Variants in PYROXD2 observed in about 807,000 individuals in gnomAD.
PYROXD2 encodes the protein pyridine nucleotide-disulfide oxidoreductase domain-containing protein 2.
Under a neutral mutation model 71.1 loss-of-function variants are expected in PYROXD2, and 69 were observed. The ratio of observed to expected loss-of-function variants is 0.97; its 90% CI spans 0.80 to 1.19. The LOEUF (loss-of-function observed/expected upper bound fraction) is 1.19, where lower values mean the gene tolerates loss of function less well. PYROXD2 is among the 50% of genes most tolerant of loss of function. The pLI, the probability that PYROXD2 is intolerant of heterozygous loss-of-function variation, is 0.00. For missense variants in PYROXD2, 745 were observed against 748.9 expected (o/e 0.99, Z 0.06); for synonymous variants, 287 against 302.7 (o/e 0.95, Z 0.54).
At chr10:98,406,595 A>C (rs1490365752) in intron 4 of PYROXD2, among the ~76,000 whole-genome samples, 1 of 152,206 alleles carries the variant, frequency 6.6e-6, no homozygotes, top group African/African-American at 2.4e-5. Flanking sequence ...ATTTAGAGCA[A>C]AGATGGCACC....
At chr10:98,407,251 CG>C (rs1467749534) in intron 4 of PYROXD2, among the ~76,000 whole-genome samples, 1 of 152,198 alleles carries the variant, frequency 6.6e-6, no homozygotes, top group Non-Finnish European at 1.5e-5. Context: ...GGGCAGAAAT[CG>C]GGCTCATGTC....
rs1842957919 is a variant in PYROXD2 at position 98,391,937 on chromosome 10, G to A, written c.1062+495C>T. On this transcript the variant is annotated intron_variant, in intron 10 of 15. Coordinates refer to ENST00000370575, the MANE Select transcript of PYROXD2 (RefSeq NM_032709.3). ...TCAGCAGCCGGCAAGCTGACCCACA[G>A]CCAACTGCAGACGCATGAGCAAGCC... 2.6e-5 allele frequency among the ~76,000 whole-genome samples: 4 copies of A among 152,280 alleles called. No homozygotes were observed. In the South Asian group the frequency reaches 8.3e-4, roughly 32 times the overall value.
intron 14 of PYROXD2, 88 bp downstream of exon 14, chr10:98,387,113 G>A: frequency 1.0e-6 from 1 of 973,108 alleles, no homozygotes; most frequent in Admixed American, 2.2e-5. Flanking sequence ...TGAGTATGGA[G>A]GGACAAGATA....
intron 5 of PYROXD2, among the ~76,000 whole-genome samples, chr10:98,397,954 C>A (rs535127392): frequency 7.1e-6 from 1 of 141,488 alleles, no homozygotes; most frequent in African/African-American, 2.6e-5. Flanking sequence ...GCGATGTCGG[C>A]TCACTGCAAC....
At chr10:98,412,796 AAGT>A (rs1352353397) in intron 1 of PYROXD2, among the ~76,000 whole-genome samples, 1 of 152,172 alleles carries the variant, frequency 6.6e-6, no homozygotes, top group Non-Finnish European at 1.5e-5. Flanking sequence ...ACTTGTAGGC[AAGT>A]CACCAAGGCA....
In PYROXD2 at chr10:98,410,925, G is replaced by T. The variant is rs202138600; in HGVS notation, c.147+14C>A. On this transcript the variant is annotated intron_variant, in intron 2 of 15. Transcript: ENST00000370575. Reference sequence around the variant, plus strand: ...CAGGGCCAGTGAAGTGGGATCAAGTGGGGAGGTACTCACAGCCACCAGTCC... The same window carrying T: ...CAGGGCCAGTGAAGTGGGATCAAGTTGGGAGGTACTCACAGCCACCAGTCC... 2 of 1,562,858 alleles carry T rather than the reference G, an allele frequency of 1.3e-6. No individual in the cohort carries two copies. The highest frequency in any genetic ancestry group is 8.7e-7 in the Non-Finnish European group (1 of 1,152,706).
intron 5 of PYROXD2, 105 bp downstream of exon 5, chr10:98,399,997 G>A: frequency 7.2e-7 from 1 of 1,397,160 alleles, no homozygotes; most frequent in Non-Finnish European, 9.5e-7. Flanking sequence ...GGGTGGCCTG[G>A]CGCAGTGTCC....
Position 98,392,384 on chromosome 10 carries a change from CCT to C in PYROXD2, c.1062+46_1062+47del, listed in dbSNP as rs557609375. The C allele has an allele frequency of 2.9e-4, 457 of 1,596,764 alleles. 1 individual carries two copies. The East Asian group carries it at 7.4e-3, about 26-fold the overall frequency. The stretch of plus-strand genomic sequence containing the variant: ...CCCTCAATCCCCACGATTTCTAACC[CCT>C]GTTTTGGCAGACATCTAAGCTCCAC... On this transcript the variant is annotated intron_variant, in intron 10 of 15. Coordinates refer to ENST00000370575, the MANE Select transcript of PYROXD2 (RefSeq NM_032709.3).
intron 8 of PYROXD2, 50 bp from the exon 9 acceptor site, chr10:98,393,133 C>T: frequency 1.4e-6 from 2 of 1,383,022 alleles, no homozygotes; most frequent in Non-Finnish European, 1.9e-6. Context: ...TCTCATCTCC[C>T]CAGAGTTCCA....
intron 14 of PYROXD2, among the ~76,000 whole-genome samples, chr10:98,386,896 G>A (rs552510693): frequency 6.6e-6 from 1 of 152,266 alleles, no homozygotes; most frequent in Admixed American, 6.5e-5. Flanking sequence ...CCTTGAGAAG[G>A]GGGTGCTCTC....
intron 1 of PYROXD2, among the ~76,000 whole-genome samples, chr10:98,412,884 G>A (rs1843835997): frequency 6.6e-6 from 1 of 152,206 alleles, no homozygotes; most frequent in Admixed American, 6.5e-5. Flanking sequence ...AAGGAGGCAG[G>A]GGGCTTCTCT....
chr10:98,397,686 G>A (rs1843239383), intron 5 of PYROXD2, among the ~76,000 whole-genome samples, 188 bp from the exon 6 acceptor site: 1 of 152,122 alleles, frequency 6.6e-6, no homozygotes, highest in Non-Finnish European at 1.5e-5. Context: ...CAGGAAGAGT[G>A]CATGGGGTGG....
chr10:98,397,225 T>C, intron 6 of PYROXD2, 120 bp downstream of exon 6: 2 of 1,358,090 alleles, frequency 1.5e-6, no homozygotes, highest in Admixed American at 4.9e-5. Flanking sequence ...TCGCAGCATG[T>C]TAACTGATCC....
intron 12 of PYROXD2, among the ~76,000 whole-genome samples, chr10:98,389,097 T>C (rs1369092133): frequency 2.0e-5 from 3 of 152,152 alleles, no homozygotes; most frequent in Non-Finnish European, 4.4e-5. Context: ...TCAGCTGCAA[T>C]GTTCTCGCTG....
At position 98,388,424 on chromosome 10, in the gene PYROXD2, C is replaced by A; in HGVS notation, c.1377G>T (p.Gln459His). 6.2e-7 allele frequency: 1 copy of A among 1,613,462 alleles called. No homozygotes were observed. The highest frequency in any genetic ancestry group is 8.5e-7 in the Non-Finnish European group (1 of 1,179,888). Residue 459 changes from glutamine (Q) to histidine (H), a missense_variant, in exon 13 of 16, where the codon CAG becomes CAT. Physicochemically the swap from Gln to His is conservative, Grantham distance 24. Transcript: ENST00000370575. ...CTCCAGCCAGCGTATAGGGCATGTACTGAGTGAAGAGGGAGACTACATGGC... is the reference window on the plus strand; with the variant it reads ...CTCCAGCCAGCGTATAGGGCATGTAATGAGTGAAGAGGGAGACTACATGGC... Reference protein sequence around the residue: ...PGCHVVSLFTQYMPYTLAGGK... With the variant: ...PGCHVVSLFTHYMPYTLAGGK...
rs1843672317 is a variant in PYROXD2 at position 98,408,112 on chromosome 10, C to T, written c.148-115G>A. On this transcript the variant is annotated intron_variant, in intron 2 of 15. Coordinates refer to ENST00000370575, the MANE Select transcript of PYROXD2 (RefSeq NM_032709.3). ...CTATAGGCCAGTATGGGCCACACCCCATGGCCTCCCTGCCCCGCTCATGCT... is the reference window on the plus strand; with the variant it reads ...CTATAGGCCAGTATGGGCCACACCCTATGGCCTCCCTGCCCCGCTCATGCT... 2.2e-5 allele frequency: 19 copies of T among 868,426 alleles called. No homozygotes were observed. In the South Asian group the frequency reaches 2.7e-4, roughly 12 times the overall value. 53.8% of individuals were successfully genotyped at this position (868,426 alleles called of 1,614,324 possible).
chr10:98,388,829 G>C (rs1842850884), intron 12 of PYROXD2, among the ~76,000 whole-genome samples: 1 of 152,030 alleles, frequency 6.6e-6, no homozygotes, highest in South Asian at 2.1e-4. Context: ...AGTGTGGAAA[G>C]GGGCCAGGCC....
chr10:98,385,202 A>G, intron 14 of PYROXD2, 135 bp from the exon 15 acceptor site: 1 of 1,272,628 alleles, frequency 7.9e-7, no homozygotes, highest in Non-Finnish European at 1.1e-6. Flanking sequence ...TTTAAAATGC[A>G]GAAAGGGAAG....
chr10:98,400,403 A>G, intron 4 of PYROXD2, 146 bp from the exon 5 acceptor site: 2 of 761,268 alleles, frequency 2.6e-6, no homozygotes, highest in Admixed American at 3.2e-5. Context: ...TTTTAAATAT[A>G]AGTTTATAAA....
Sources: gnomAD v4.1 joint callset for allele counts (sites outside exome capture counted in the v4.1 genomes callset) on GRCh38, gnomAD v4.1.1 for gene constraint, MANE v1.5 for transcripts, NCBI Gene and HGNC (gene_info 2026-07-23, HGNC 2026-07-21) for gene names.